SOX5: variants seen among roughly 807,000 people sequenced by gnomAD.
SOX5 encodes the protein SRY-box transcription factor 5.
In SOX5, 9 loss-of-function variants were observed where a neutral mutation model predicts 92.0. The observed-to-expected ratio is 0.10, with a 90% CI of 0.06 to 0.17. SOX5 has a LOEUF of 0.17. SOX5 is among the 10% of genes least tolerant of loss of function. The pLI is 1.00. For synonymous variants in SOX5, 344 were observed against 336.3 expected (o/e 1.02, Z -0.25); for missense variants, 642 against 944.5 (o/e 0.68, Z 4.20).
chr12:23,653,622 G>T (rs2081958457), intron 7 of SOX5, among the ~76,000 whole-genome samples: 1 of 152,090 alleles, frequency 6.6e-6, no homozygotes, highest in African/African-American at 2.4e-5. Flanking sequence ...AAGGGCACCA[G>T]CAAATTCTGG....
chr12:24,561,895 G>T (rs1226479711), intron 1 of SOX5, among the ~76,000 whole-genome samples: 2 of 152,170 alleles, frequency 1.3e-5, no homozygotes, highest in South Asian at 4.1e-4. Context: ...GACATTGGCC[G>T]CGATGCCCAG....
intron 4 of SOX5, among the ~76,000 whole-genome samples, chr12:23,975,769 C>T (rs1948824228): frequency 6.6e-6 from 1 of 151,932 alleles, no homozygotes. Flanking sequence ...TAGAAGAGTC[C>T]CTTGAACATA....
chr12:23,906,508 G>A (rs1025007493), intron 1 of SOX5, among the ~76,000 whole-genome samples: 9 of 152,170 alleles, frequency 5.9e-5, no homozygotes, highest in Non-Finnish European at 1.3e-4. Context: ...GCGTGACAGC[G>A]CCAGACTGGA....
intron 1 of SOX5, among the ~76,000 whole-genome samples, chr12:23,916,268 A>C (rs948931930): frequency 1.3e-5 from 2 of 152,230 alleles, no homozygotes; most frequent in African/African-American, 4.8e-5. Context: ...AAAATGTTTG[A>C]AAACAAAGGA....
chr12:24,376,690 C>CTTTTTTTTTTTTTTTTTTTT (rs1164391418), intron 1 of SOX5, among the ~76,000 whole-genome samples: 1 of 70,572 alleles, frequency 1.4e-5, no homozygotes, highest in African/African-American at 5.6e-5. Flanking sequence ...GGAGAGATAC[C>CTTTTTTTTTTTTTTTTTTTT]TTTTTTTTTT....
chr12:24,401,522 C>T (rs1477911712), intron 1 of SOX5, among the ~76,000 whole-genome samples: 1 of 151,558 alleles, frequency 6.6e-6, no homozygotes, highest in Admixed American at 6.6e-5. Flanking sequence ...TCAGCCTGGG[C>T]AACATAGCGA....
chr12:23,582,589 A>C (rs1051102126), intron 9 of SOX5, among the ~76,000 whole-genome samples: 4 of 152,096 alleles, frequency 2.6e-5, no homozygotes, highest in Non-Finnish European at 4.4e-5. Flanking sequence ...TAGACTTACA[A>C]ATTGCAAAAT....
chr12:23,707,894 G>C (rs2091598384), intron 6 of SOX5, among the ~76,000 whole-genome samples: 2 of 152,070 alleles, frequency 1.3e-5, no homozygotes, highest in Non-Finnish European at 2.9e-5. Flanking sequence ...GGGTGGATTT[G>C]TTCTCTATAT....
intron 2 of SOX5, among the ~76,000 whole-genome samples, chr12:24,360,079 T>C (rs1039093620): frequency 2.0e-5 from 3 of 152,216 alleles, no homozygotes; most frequent in Non-Finnish European, 2.9e-5. Context: ...CTTTTTGTTA[T>C]CCACAGCCTT....
intron 4 of SOX5, among the ~76,000 whole-genome samples, chr12:24,075,412 G>A (rs1942439632): frequency 6.6e-6 from 1 of 151,354 alleles, no homozygotes; most frequent in South Asian, 2.1e-4. Context: ...TGAGAAATGA[G>A]AGGCTAAGTA....
intron 2 of SOX5, among the ~76,000 whole-genome samples, chr12:24,324,402 ATC>A (rs1555229934): frequency 6.6e-6 from 1 of 152,106 alleles, no homozygotes; most frequent in Non-Finnish European, 1.5e-5. Context: ...CTGTCAAACT[ATC>A]TGTCTCTTAT....
chr12:24,456,179 TA>T (rs1201527571), intron 1 of SOX5, among the ~76,000 whole-genome samples: 1 of 152,146 alleles, frequency 6.6e-6, no homozygotes, highest in African/African-American at 2.4e-5. Context: ...TCCTCTTTTG[TA>T]AAAAATAAAG....
chr12:23,656,932 G>T (rs796474256), intron 7 of SOX5, among the ~76,000 whole-genome samples: 24 of 152,062 alleles, frequency 1.6e-4, no homozygotes, highest in African/African-American at 5.8e-4. Flanking sequence ...GTTTGAGGTT[G>T]TTGCAGTCAG....
chr12:24,025,961 C>T (rs185858012), intron 4 of SOX5, among the ~76,000 whole-genome samples: 3 of 152,118 alleles, frequency 2.0e-5, no homozygotes, highest in Admixed American at 6.6e-5. Flanking sequence ...TAATCCACAC[C>T]CCTACAATAG....
chr12:23,761,255 CAT>C (rs1804521323), intron 3 of SOX5, among the ~76,000 whole-genome samples: 2 of 152,004 alleles, frequency 1.3e-5, no homozygotes, highest in South Asian at 4.1e-4. Flanking sequence ...TTGAGGAAAA[CAT>C]ATATCTGACA....
chr12:24,080,462 A>G (rs1029928619), intron 4 of SOX5, among the ~76,000 whole-genome samples: 27 of 152,178 alleles, frequency 1.8e-4, no homozygotes, highest in African/African-American at 6.3e-4. Context: ...CACGCTCTTA[A>G]AAAGATCAAA....
chr12:24,521,948 G>C (rs1326832117), intron 1 of SOX5, among the ~76,000 whole-genome samples: 5 of 151,222 alleles, frequency 3.3e-5, no homozygotes, highest in African/African-American at 1.2e-4. Context: ...AAAGAGATCA[G>C]GTAGAAACGA....
rs140704890 is a variant in SOX5, at chr12:23,720,516, T to G, written c.810+14168A>C. Among the ~76,000 whole-genome samples the G allele has an allele frequency of 5.1e-3, 778 of 152,262 alleles. 7 individuals carry two copies. Among genetic ancestry groups the G allele is most frequent in the South Asian group, 0.019 (91 of 4,818 alleles). Reference sequence around the variant, plus strand: ...TTATACTAGAACATTATTTTTTCATTTATTTGGTTAGTTCACAAATCCCAA... The same window carrying G: ...TTATACTAGAACATTATTTTTTCATGTATTTGGTTAGTTCACAAATCCCAA... On this transcript the variant is annotated intron_variant, in intron 6 of 14. Coordinates refer to ENST00000451604, the MANE Select transcript of SOX5 (RefSeq NM_006940.6).
chr12:23,653,855 G>C (rs1475746679), intron 7 of SOX5, among the ~76,000 whole-genome samples: 1 of 152,024 alleles, frequency 6.6e-6, no homozygotes, highest in Non-Finnish European at 1.5e-5. Flanking sequence ...ACTAGACTAA[G>C]AGCATCCTAA....
Sources: gnomAD v4.1 joint callset for allele counts (sites outside exome capture counted in the v4.1 genomes callset) on GRCh38, gnomAD v4.1.1 for gene constraint, MANE v1.5 for transcripts, NCBI Gene and HGNC (gene_info 2026-07-23, HGNC 2026-07-21) for gene names.